Variants in ACADL observed in about 807,000 individuals in gnomAD.
ACADL encodes the protein acyl-CoA dehydrogenase long chain.
In ACADL, 60 loss-of-function variants were observed where a neutral mutation model predicts 56.9. That is an observed-to-expected ratio of 1.05 (90% CI 0.86 to 1.31). The LOEUF is 1.31. ACADL is among the 50% of genes most tolerant of loss of function. The pLI, the probability that ACADL is intolerant of heterozygous loss-of-function variation, is 0.00. For synonymous variants in ACADL, 158 were observed against 179.7 expected, an observed-to-expected ratio of 0.88 and a Z score of 0.97; for missense variants, 484 against 525.5, an observed-to-expected ratio of 0.92 and a Z score of 0.77.
chr2:210,212,097 T>C (rs953947178), intron 4 of ACADL, among the ~76,000 whole-genome samples: 4 of 151,886 alleles, frequency 2.6e-5, no homozygotes, highest in African/African-American at 9.7e-5. Flanking sequence ...CCTCCGAAAG[T>C]GTTGGGATTA....
At chr2:210,208,323 T>C (rs1281490014) in intron 5 of ACADL, among the ~76,000 whole-genome samples, 1 of 152,222 alleles carries the variant, frequency 6.6e-6, no homozygotes, top group African/African-American at 2.4e-5. Flanking sequence ...GAAGTTCTTA[T>C]TGGAAGTAAT....
At chr2:210,221,947 T>A (rs1461491224) in intron 1 of ACADL, among the ~76,000 whole-genome samples, 1 of 146,942 alleles carries the variant, frequency 6.8e-6, no homozygotes, top group African/African-American at 2.7e-5. Context: ...CCAGGTTGGT[T>A]TTGAACTCCT....
intron 1 of ACADL, chr2:210,224,881 C>A: frequency 8.4e-7 from 1 of 1,184,596 alleles, no homozygotes; most frequent in Non-Finnish European, 1.0e-6. Context: ...GGCCGCTGAA[C>A]TAGACGGGTT....
rs766903314 is a variant in ACADL at position 210,192,885 on chromosome 2, G to C, written c.1118C>G (p.Ser373Cys). Reference protein sequence around the residue: ...ATACMAKYWASELQNSVAYDC... With the variant: ...ATACMAKYWACELQNSVAYDC... The stretch of plus-strand genomic sequence containing the variant: ...GTAAGCTACACTATTTTGTAACTCA[G>C]ATGCCCTAAATGACCAAAATAAAAG... Residue 373 changes from serine to cysteine, a missense_variant, in exon 10 of 11, where the codon TCT becomes TGT. Transcript: ENST00000233710. 4 of 1,613,520 alleles carry C rather than the reference G, an allele frequency of 2.5e-6. No individual in the cohort carries two copies. The South Asian group carries it at 3.3e-5, about 13-fold the overall frequency.
At chr2:210,223,967 A>C (rs1226062891) in intron 1 of ACADL, among the ~76,000 whole-genome samples, 1 of 152,044 alleles carries the variant, frequency 6.6e-6, no homozygotes, top group Non-Finnish European at 1.5e-5. Context: ...GTTATCAAAA[A>C]GTTTTGAGGC....
At chr2:210,189,487 C>G (rs991575949) in intron 10 of ACADL, among the ~76,000 whole-genome samples, 1 of 152,134 alleles carries the variant, frequency 6.6e-6, no homozygotes, top group Non-Finnish European at 1.5e-5. Context: ...TACATATTTT[C>G]TAGCATTCCC....
chr2:210,225,003 G>C, intron 1 of ACADL, 184 bp downstream of exon 1: 2 of 985,416 alleles, frequency 2.0e-6, no homozygotes, highest in African/African-American at 3.5e-5. Flanking sequence ...CCTCCGCCCA[G>C]ATGCTGGTTG....
intron 8 of ACADL, among the ~76,000 whole-genome samples, chr2:210,197,736 G>A (rs1688732606): frequency 6.6e-6 from 1 of 152,092 alleles, no homozygotes; most frequent in African/African-American, 2.4e-5. Context: ...AGATATCTAA[G>A]CCTGATTCTC....
intron 4 of ACADL, 86 bp from the exon 5 acceptor site, chr2:210,210,348 T>G: frequency 9.8e-7 from 1 of 1,015,316 alleles, no homozygotes. Context: ...TAAATTAGAT[T>G]ATTCAAACTG....
intron 6 of ACADL, 135 bp from the exon 7 acceptor site, chr2:210,204,817 A>C (rs969177137): frequency 1.7e-5 from 12 of 708,646 alleles, no homozygotes; most frequent in Non-Finnish European, 2.7e-5. Context: ...TAGTTAATGA[A>C]CATAACTAGT....
intron 10 of ACADL, 60 bp downstream of exon 10, chr2:210,192,744 A>G (rs1688653348): frequency 1.5e-6 from 2 of 1,296,592 alleles, no homozygotes; most frequent in Admixed American, 1.7e-5. Flanking sequence ...TGTACAAAGT[A>G]AAGAAATTTT....
intron 8 of ACADL, among the ~76,000 whole-genome samples, chr2:210,197,504 GA>G (rs1299329608): frequency 6.6e-6 from 1 of 151,816 alleles, no homozygotes; most frequent in Admixed American, 6.6e-5. Flanking sequence ...AACAAAAAAA[GA>G]AAAAAATAGG....
chr2:210,204,865 A>T (rs2125712575), intron 6 of ACADL, among the ~76,000 whole-genome samples, 183 bp from the exon 7 acceptor site: 1 of 152,304 alleles, frequency 6.6e-6, no homozygotes, highest in African/African-American at 2.4e-5. Flanking sequence ...CAGCCATCTG[A>T]TTCTAAACCT....
At chr2:210,209,390 G>A (rs1231608876) in intron 5 of ACADL, among the ~76,000 whole-genome samples, 1 of 152,130 alleles carries the variant, frequency 6.6e-6, no homozygotes, top group African/African-American at 2.4e-5. Context: ...TGCCCTCATT[G>A]ATATCAGAGA....
At chr2:210,214,467 A>AAAGAAAGAAAG (rs1689040419) in intron 4 of ACADL, among the ~76,000 whole-genome samples, 10 of 122,336 alleles carry the variant, frequency 8.2e-5, no homozygotes, top group Non-Finnish European at 1.5e-4. Context: ...GACCTTCCAA[A>AAAGAAAGAAAG]AAAGAAAGAA....
chr2:210,224,726 T>G, intron 1 of ACADL: 3 of 987,706 alleles, frequency 3.0e-6, no homozygotes, highest in African/African-American at 3.5e-5. Flanking sequence ...GGGTCCCAAG[T>G]TCACTACCGC....
At chr2:210,197,608 A>G (rs944665136) in intron 8 of ACADL, among the ~76,000 whole-genome samples, 1 of 152,192 alleles carries the variant, frequency 6.6e-6, no homozygotes, top group Admixed American at 6.5e-5. Flanking sequence ...CAATGACACT[A>G]TGTATGACAC....
At chr2:210,218,232 A>G in intron 2 of ACADL, 130 bp from the exon 3 acceptor site, 1 of 788,536 alleles carries the variant, frequency 1.3e-6, no homozygotes, top group Non-Finnish European at 2.0e-6. Context: ...CATTAGCCAT[A>G]TGCTTCTATT....
intron 4 of ACADL, among the ~76,000 whole-genome samples, chr2:210,215,146 G>A (rs1035901743): frequency 6.6e-6 from 1 of 152,142 alleles, no homozygotes; most frequent in Non-Finnish European, 1.5e-5. Flanking sequence ...CCCACAAGTT[G>A]CTGCTGTCTT....
Sources: allele counts gnomAD v4.1 joint callset (sites outside exome capture counted in the v4.1 genomes callset), GRCh38; gene constraint gnomAD v4.1.1; transcripts MANE v1.5; gene names NCBI Gene and HGNC (gene_info 2026-07-23, HGNC 2026-07-21).